XPO1: variants seen among roughly 807,000 people sequenced by gnomAD.
The protein encoded by XPO1 is exportin 1, also known as exportin-1.
A neutral mutation model predicts 133.3 loss-of-function variants in XPO1; 5 were observed. The observed-to-expected ratio is 0.04, with a 90% CI of 0.02 to 0.08. XPO1 has a LOEUF of 0.08. Ranked by LOEUF, XPO1 falls within the 10% of genes least tolerant of loss-of-function variation. The pLI is 1.00. For missense variants in XPO1, 506 were observed against 1,267.5 expected, an observed-to-expected ratio of 0.40 and a Z score of 9.12; for synonymous variants, 419 against 408.2, an observed-to-expected ratio of 1.03 and a Z score of -0.32.
In XPO1 at chr2:61,498,923, AAAAC is replaced by A; in HGVS notation, c.591-14_591-11del. The A allele has an allele frequency of 6.4e-7, 1 of 1,573,208 alleles. No homozygotes were observed. The highest frequency in any genetic ancestry group is 8.6e-7 in the Non-Finnish European group (1 of 1,162,346). ...GAATTCATTGCACATGCTAAAAAAAAAAACACACAAAAATATCAGATTTAGAAGA... is the reference window on the plus strand; with the variant it reads ...GAATTCATTGCACATGCTAAAAAAAAACACAAAAATATCAGATTTAGAAGA... On this transcript the variant is annotated splice_polypyrimidine_tract_variant and intron_variant, in intron 7 of 24. Coordinates refer to ENST00000401558, the MANE Select transcript of XPO1 (RefSeq NM_003400.4).
chr2:61,524,167 CAGTA>C (rs1423362291), intron 3 of XPO1, among the ~76,000 whole-genome samples: 1 of 152,108 alleles, frequency 6.6e-6, no homozygotes, highest in Non-Finnish European at 1.5e-5. Context: ...TGTCAAGACT[CAGTA>C]AGTCAAAGCA....
At chr2:61,531,641 T>G (rs1482980385) in intron 2 of XPO1, among the ~76,000 whole-genome samples, 1 of 152,220 alleles carries the variant, frequency 6.6e-6, no homozygotes, top group Non-Finnish European at 1.5e-5. Flanking sequence ...ATGCCCTTTT[T>G]CCCAATGGCT....
At chr2:61,519,711 A>AAAC (rs1698593636) in intron 4 of XPO1, among the ~76,000 whole-genome samples, 2 of 150,964 alleles carry the variant, frequency 1.3e-5, no homozygotes, top group Non-Finnish European at 3.0e-5. Context: ...AAAAAAAAAA[A>AAAC]AAAAAAAAAA....
Position 61,488,447 on chromosome 2 carries a change from CTG to C in XPO1, c.2206+139_2206+140del, listed in dbSNP as rs748436723. The stretch of plus-strand genomic sequence containing the variant: ...TTTTAAAAGGGAAAGGTACACTTAA[CTG>C]TTTTAAATATGTCTAGGGTCATTTG... On this transcript the variant is annotated intron_variant, in intron 18 of 24. Coordinates refer to ENST00000401558, the MANE Select transcript of XPO1 (RefSeq NM_003400.4). 203 of 1,140,134 alleles carry C rather than the reference CTG, an allele frequency of 1.8e-4. No individual in the cohort carries two copies. The African/African-American group carries it at 2.5e-3, about 14-fold the overall frequency. The allele number at this position is 1,140,134 out of a possible 1,614,324, so 70.6% of individuals were successfully genotyped here.
chr2:61,529,593 C>T (rs890967600), intron 2 of XPO1, among the ~76,000 whole-genome samples: 8 of 150,462 alleles, frequency 5.3e-5, no homozygotes. Context: ...ACCCGGAAGG[C>T]GGAGGTTGCA....
intron 4 of XPO1, 117 bp from the exon 5 acceptor site, chr2:61,502,427 C>T (rs1229232981): frequency 1.5e-5 from 15 of 992,360 alleles, no homozygotes; most frequent in East Asian, 2.6e-5. Flanking sequence ...AGTTAATATA[C>T]TCTAATCCTG....
chr2:61,507,958 G>T (rs1179193321), intron 4 of XPO1, among the ~76,000 whole-genome samples: 1 of 152,174 alleles, frequency 6.6e-6, no homozygotes, highest in Non-Finnish European at 1.5e-5. Flanking sequence ...GATAAGTCCT[G>T]ACGTTGCCAA....
chr2:61,534,534 T>A (rs1471214987), intron 1 of XPO1: 2 of 151,990 alleles, frequency 1.3e-5, no homozygotes, highest in African/African-American at 4.8e-5. Context: ...AATACAAAAA[T>A]CAGCCAGGCA....
intron 9 of XPO1, 68 bp downstream of exon 9, chr2:61,498,605 G>A: frequency 6.3e-7 from 1 of 1,580,018 alleles, no homozygotes; most frequent in Non-Finnish European, 8.6e-7. Flanking sequence ...GCAGAGATGA[G>A]AGCTTTACAT....
At chr2:61,502,344 T>G in intron 4 of XPO1, 34 bp from the exon 5 acceptor site, 2 of 1,583,676 alleles carry the variant, frequency 1.3e-6, no homozygotes, top group Non-Finnish European at 1.7e-6. Context: ...AAAAAAATTG[T>G]TGAGCTCTTT....
intron 3 of XPO1, 30 bp downstream of exon 3, chr2:61,526,386 GAAAT>G (rs1558676524): frequency 1.3e-6 from 2 of 1,592,006 alleles, no homozygotes; most frequent in Non-Finnish European, 1.7e-6. Flanking sequence ...TGGAAGAAAA[GAAAT>G]AACAGATTTT....
chr2:61,498,781 T>C lies in XPO1; in HGVS notation c.651A>G (p.Gln217=). ...AGGTTGCATGTACAAGTGGAGCATTTTGAGAATTTTCCTATAACAAAACAC... is the reference window on the plus strand; with the variant it reads ...AGGTTGCATGTACAAGTGGAGCATTCTGAGAATTTTCCTATAACAAAACAC... ...QLCQFVMENS[Q]NAPLVHATLE... The change falls in exon 9 of 25, where the codon CAA becomes CAG. Residue 217 remains glutamine (Q), a synonymous_variant. Transcript: ENST00000401558. The C allele has an allele frequency of 6.2e-7, 1 of 1,613,804 alleles. No homozygotes were observed. Among genetic ancestry groups the C allele is most frequent in the South Asian group, 1.1e-5 (1 of 90,908 alleles).
chr2:61,526,651 C>T (rs7421663), intron 2 of XPO1, 130 bp from the exon 3 acceptor site: 387,262 of 623,082 alleles, frequency 0.62, 121,964 homozygotes, highest in Middle Eastern at 0.74. Context: ...TTCAGAAATA[C>T]TCAAAAATTA....
intron 4 of XPO1, among the ~76,000 whole-genome samples, chr2:61,513,545 G>C (rs72815595): frequency 3.3e-4 from 50 of 150,912 alleles, no homozygotes; most frequent in Non-Finnish European, 6.3e-4. Context: ...GGCTCGTCTC[G>C]AACTGCTGAC....
chr2:61,534,093 T>A (rs988808638), intron 1 of XPO1, 190 bp from the exon 2 acceptor site: 1 of 512,210 alleles, frequency 2.0e-6, no homozygotes, highest in Non-Finnish European at 3.1e-6. Flanking sequence ...ATTTGATAAT[T>A]ACATAAATTA....
At chr2:61,498,940 C>G (rs2104495604) in intron 7 of XPO1, 27 bp from the exon 8 acceptor site, 2 of 1,555,912 alleles carry the variant, frequency 1.3e-6, no homozygotes, top group Non-Finnish European at 1.7e-6. Context: ...ACAAAAATAT[C>G]AGATTTAGAA....
intron 22 of XPO1, 168 bp downstream of exon 22, chr2:61,482,788 AT>A (rs1459205085): frequency 3.6e-6 from 3 of 844,544 alleles, no homozygotes; most frequent in East Asian, 5.5e-5. Flanking sequence ...TGTATCTTTT[AT>A]TTTTTTATGG....
At chr2:61,523,707 G>A (rs570836919) in intron 3 of XPO1, among the ~76,000 whole-genome samples, 4 of 152,118 alleles carry the variant, frequency 2.6e-5, no homozygotes, top group Non-Finnish European at 4.4e-5. Context: ...CAATAAAATA[G>A]GAGCATTAGT....
At chr2:61,505,262 G>A (rs1697741138) in intron 4 of XPO1, among the ~76,000 whole-genome samples, 1 of 151,968 alleles carries the variant, frequency 6.6e-6, no homozygotes, top group Non-Finnish European at 1.5e-5. Context: ...TTTTATGTTG[G>A]GATTACAGGC....
Sources: gnomAD v4.1 joint callset for allele counts (sites outside exome capture counted in the v4.1 genomes callset) on GRCh38, gnomAD v4.1.1 for gene constraint, MANE v1.5 for transcripts, NCBI Gene and HGNC (gene_info 2026-07-23, HGNC 2026-07-21) for gene names.